Variants in CACNA1C observed in about 807,000 individuals in gnomAD.
The protein encoded by CACNA1C is voltage-dependent L-type calcium channel subunit alpha-1C.
A neutral mutation model predicts 229.0 loss-of-function variants in CACNA1C; 30 were observed. The observed-to-expected ratio is 0.13, with a 90% CI of 0.10 to 0.18. The LOEUF is 0.18. CACNA1C is among the 10% of genes least tolerant of loss of function. The probability of loss-of-function intolerance (pLI) is 1.00; values close to 1 mark genes in which losing one functional copy is unlikely to be tolerated. For synonymous variants in CACNA1C, 1,114 were observed against 1,132.5 expected (o/e 0.98, Z 0.33); for missense variants, 1,658 against 2,845.0 (o/e 0.58, Z 9.49).
At chr12:2,463,522 G>C (rs2099529883) in intron 5 of CACNA1C, among the ~76,000 whole-genome samples, 1 of 152,236 alleles carries the variant, frequency 6.6e-6, no homozygotes, top group Admixed American at 6.5e-5. Flanking sequence ...TGTGCAATGT[G>C]ATGAATTCTG....
At chr12:2,047,097 G>T (rs752072462) in intron 1 of CACNA1C, among the ~76,000 whole-genome samples, 1 of 152,156 alleles carries the variant, frequency 6.6e-6, no homozygotes, top group Non-Finnish European at 1.5e-5. Context: ...AGCGGCCAGT[G>T]CACGGCCTCT....
intron 1 of CACNA1C, among the ~76,000 whole-genome samples, chr12:2,111,666 G>A (rs2081820129): frequency 6.6e-6 from 1 of 152,192 alleles, no homozygotes; most frequent in Admixed American, 6.5e-5. Flanking sequence ...GAGGGAAAAG[G>A]AGAAGTTAGT....
intron 3 of CACNA1C, among the ~76,000 whole-genome samples, chr12:2,175,411 T>C (rs1477856387): frequency 6.6e-6 from 1 of 152,208 alleles, no homozygotes; most frequent in Non-Finnish European, 1.5e-5. Context: ...GGTTGGCTGC[T>C]TCCTTATTGT....
intron 5 of CACNA1C, among the ~76,000 whole-genome samples, chr12:2,484,833 A>T (rs1449529908): frequency 6.6e-6 from 1 of 151,916 alleles, no homozygotes; most frequent in Non-Finnish European, 1.5e-5. Context: ...CAATCTGAAA[A>T]CATCTTGTTC....
At chr12:2,655,028 C>T in intron 33 of CACNA1C, 119 bp from the exon 34 acceptor site, 1 of 690,566 alleles carries the variant, frequency 1.4e-6, no homozygotes, top group Non-Finnish European at 2.6e-6. Context: ...GACTGTTCAG[C>T]TTGTGGCAGC....
intron 3 of CACNA1C, among the ~76,000 whole-genome samples, chr12:2,408,892 G>A (rs1235101931): frequency 6.6e-6 from 1 of 152,128 alleles, no homozygotes; most frequent in Non-Finnish European, 1.5e-5. Flanking sequence ...GACATTTCCA[G>A]GGCACCAGTC....
chr12:2,484,365 C>T (rs1270300380), intron 5 of CACNA1C, among the ~76,000 whole-genome samples: 1 of 152,160 alleles, frequency 6.6e-6, no homozygotes, highest in African/African-American at 2.4e-5. Flanking sequence ...AAAAGAAGAG[C>T]TGTTTTACTG....
At chr12:2,669,139 A>C in intron 38 of CACNA1C, 104 bp downstream of exon 38, 1 of 825,602 alleles carries the variant, frequency 1.2e-6, no homozygotes, top group Non-Finnish European at 2.1e-6. Flanking sequence ...TTCCTGCCCC[A>C]GACAGCATCC....
chr12:2,428,512 C>T (rs2099053756), intron 3 of CACNA1C, among the ~76,000 whole-genome samples: 1 of 152,210 alleles, frequency 6.6e-6, no homozygotes, highest in Non-Finnish European at 1.5e-5. Context: ...AGGCACAGAT[C>T]TTGTCTTCCC....
intron 3 of CACNA1C, among the ~76,000 whole-genome samples, chr12:2,234,188 T>G (rs184854610): frequency 6.6e-6 from 1 of 152,322 alleles, no homozygotes; most frequent in Admixed American, 6.5e-5. Flanking sequence ...GTGTCTCCTT[T>G]TCTTTTGGAA....
intron 3 of CACNA1C, among the ~76,000 whole-genome samples, chr12:2,334,619 A>G (rs970490134): frequency 1.3e-5 from 2 of 152,192 alleles, no homozygotes; most frequent in African/African-American, 4.8e-5. Flanking sequence ...GGCCTGGACT[A>G]CATAGTGAGG....
intron 37 of CACNA1C, among the ~76,000 whole-genome samples, chr12:2,668,240 C>T (rs961300388): frequency 2.6e-5 from 4 of 152,296 alleles, no homozygotes; most frequent in Non-Finnish European, 4.4e-5. Context: ...AGCAGACTTT[C>T]GAGCAGGGCG....
At chr12:2,484,266 G>C (rs1458249947) in intron 5 of CACNA1C, among the ~76,000 whole-genome samples, 1 of 152,210 alleles carries the variant, frequency 6.6e-6, no homozygotes, top group African/African-American at 2.4e-5. Flanking sequence ...GGATAAGTGG[G>C]AGGGAAGTGG....
chr12:2,036,848 G>C (rs946388206), intron 1 of CACNA1C, among the ~76,000 whole-genome samples: 1 of 152,212 alleles, frequency 6.6e-6, no homozygotes, highest in Admixed American at 6.5e-5. Context: ...GTGACCAGAT[G>C]AGGAAATGGG....
Position 2,291,467 on chromosome 12 carries a change from G to A in CACNA1C, c.478-157509G>A, listed in dbSNP as rs139239627. Among the ~76,000 whole-genome samples the A allele has an allele frequency of 4.1e-3, 631 of 152,348 alleles. 1 individual carries two copies. The highest frequency in any genetic ancestry group is 0.01 in the Middle Eastern group (3 of 294). On this transcript the variant is annotated intron_variant, in intron 3 of 46. Transcript: ENST00000399655. ...GACACCAGGAGAGGCAGGGAGGAAA[G>A]GAAGGTAACTAGTAGTTTTGCAACT...
intron 34 of CACNA1C, among the ~76,000 whole-genome samples, chr12:2,664,291 G>A (rs913292967): frequency 3.3e-5 from 5 of 152,174 alleles, no homozygotes; most frequent in Non-Finnish European, 5.9e-5. Flanking sequence ...GGTAATAGGA[G>A]TCTAAGTTGG....
chr12:2,268,566 G>A (rs970088730), intron 3 of CACNA1C, among the ~76,000 whole-genome samples: 12 of 152,156 alleles, frequency 7.9e-5, no homozygotes, highest in African/African-American at 2.9e-4. Flanking sequence ...ATGGTGGGAT[G>A]GCCAAGGGCT....
At position 2,679,895 on chromosome 12, in the gene CACNA1C, T is replaced by G; in HGVS notation, c.5444+99T>G. On this transcript the variant is annotated intron_variant, in intron 42 of 46. Transcript: ENST00000399655. The surrounding 1 kb of genome is among the most constrained non-coding windows in gnomAD (Gnocchi z 5.5). ...GACGGAGGCCTCGGCCAGCCACTTG[T>G]CCCTCAAGCTTCCAGGAGGTTGCTG... 1.2e-6 allele frequency: 1 copy of G among 858,164 alleles called. No individual in the cohort carries two copies. The highest frequency in any genetic ancestry group is 1.8e-6 in the Non-Finnish European group (1 of 557,722). 53.2% of individuals were successfully genotyped at this position (858,164 alleles called of 1,614,324 possible). A position where few individuals can be genotyped will look rare whatever the true frequency, so the allele number is the denominator to read the frequency against.
intron 3 of CACNA1C, among the ~76,000 whole-genome samples, chr12:2,154,806 T>C (rs2095471657): frequency 6.6e-6 from 1 of 152,200 alleles, no homozygotes; most frequent in Non-Finnish European, 1.5e-5. Context: ...TCTCACAGTT[T>C]CGTTTATCAG....
Sources: gnomAD v4.1 joint callset for allele counts (sites outside exome capture counted in the v4.1 genomes callset) on GRCh38, gnomAD v4.1.1 for gene constraint, Gnocchi (gnomAD v3.1) non-coding constraint, MANE v1.5 for transcripts, NCBI Gene and HGNC (gene_info 2026-07-23, HGNC 2026-07-21) for gene names.